NAA35: variants seen among roughly 807,000 people sequenced by gnomAD.
NAA35 encodes MAK10 homolog, amino-acid N-acetyltransferase subunit.
NAA35 carries 18 observed loss-of-function variants against 101.7 expected under a neutral mutation model. That is an observed-to-expected ratio of 0.18 (90% CI 0.12 to 0.26). The LOEUF is 0.26. Ranked by LOEUF, NAA35 falls within the 10% of genes least tolerant of loss-of-function variation. The pLI is 1.00. For missense variants in NAA35, 601 were observed against 886.8 expected (o/e 0.68, Z 4.09); for synonymous variants, 267 against 273.1 (o/e 0.98, Z 0.22).
chr9:85,977,099 C>G (rs924307129), intron 9 of NAA35, among the ~76,000 whole-genome samples: 1 of 152,042 alleles, frequency 6.6e-6, no homozygotes, highest in South Asian at 2.1e-4. Context: ...CAGATAACAT[C>G]AGTTTTTTGA....
chr9:85,977,156 A>G (rs781724815), intron 9 of NAA35, among the ~76,000 whole-genome samples: 1 of 152,162 alleles, frequency 6.6e-6, no homozygotes, highest in Non-Finnish European at 1.5e-5. Context: ...TGCTGTTGAT[A>G]TAGAAACTTC....
At chr9:85,967,394 A>G (rs2117949430) in intron 6 of NAA35, among the ~76,000 whole-genome samples, 1 of 152,342 alleles carries the variant, frequency 6.6e-6, no homozygotes, top group East Asian at 1.9e-4. Flanking sequence ...CTTCTGGGCC[A>G]AAAGATTCTG....
intron 11 of NAA35, among the ~76,000 whole-genome samples, chr9:85,993,636 A>G (rs1015910704): frequency 6.6e-6 from 1 of 152,206 alleles, no homozygotes. Context: ...TGAACTGTAC[A>G]TTTAATGTTT....
At chr9:86,001,450 G>T (rs1456952372) in intron 12 of NAA35, among the ~76,000 whole-genome samples, 1 of 152,044 alleles carries the variant, frequency 6.6e-6, no homozygotes, top group Non-Finnish European at 1.5e-5. Context: ...TTAATTTTTT[G>T]TCTCGATGAT....
At chr9:86,012,779 C>T (rs1186893969) in intron 15 of NAA35, among the ~76,000 whole-genome samples, 1 of 152,090 alleles carries the variant, frequency 6.6e-6, no homozygotes, top group Non-Finnish European at 1.5e-5. Flanking sequence ...TGTGAAATTG[C>T]AAGAAGATAT....
Position 86,020,876 on chromosome 9 carries a change from GTTCATGT to G in NAA35, c.2038-8_2038-2del. The G allele has an allele frequency of 6.3e-7, 1 of 1,596,664 alleles. No homozygotes were observed. Among genetic ancestry groups the G allele is most frequent in the Non-Finnish European group, 8.6e-7 (1 of 1,167,266 alleles). On this transcript the variant is annotated splice_polypyrimidine_tract_variant and splice_region_variant and intron_variant, in intron 21 of 22. Transcript: ENST00000361671. ...GAAGTTAATGTTTCAGTAGTTTTAT[GTTCATGT>G]TTCAGGTTAATAGAATTTTAAAGGT... is the stretch of plus-strand genomic sequence containing the variant.
intron 1 of NAA35, chr9:85,941,856 T>C: frequency 9.2e-7 from 1 of 1,087,044 alleles, no homozygotes; most frequent in Non-Finnish European, 1.1e-6. Context: ...GCTCTGGAGT[T>C]GTTCTTTTCG....
At chr9:85,960,119 A>G (rs981142795) in intron 5 of NAA35, among the ~76,000 whole-genome samples, 3 of 152,174 alleles carry the variant, frequency 2.0e-5, no homozygotes, top group African/African-American at 7.2e-5. Flanking sequence ...GGTTCATAAT[A>G]CCCTTTTCGT....
At chr9:85,980,947 C>T (rs752290413) in intron 11 of NAA35, among the ~76,000 whole-genome samples, 10 of 152,088 alleles carry the variant, frequency 6.6e-5, no homozygotes, top group East Asian at 1.9e-4. Context: ...TTTTACTGAT[C>T]GACACCTCAT....
At chr9:85,948,868 C>T (rs1828881739) in intron 2 of NAA35, among the ~76,000 whole-genome samples, 1 of 152,116 alleles carries the variant, frequency 6.6e-6, no homozygotes, top group Non-Finnish European at 1.5e-5. Context: ...GGCGATTCTC[C>T]TGCCTCAGCC....
chr9:85,967,478 G>A (rs529776310), intron 6 of NAA35, among the ~76,000 whole-genome samples: 1 of 151,952 alleles, frequency 6.6e-6, no homozygotes, highest in Non-Finnish European at 1.5e-5. Flanking sequence ...AAAAAAATAC[G>A]AATCTAGTAA....
At chr9:85,975,975 A>G (rs1347857097) in intron 8 of NAA35, among the ~76,000 whole-genome samples, 2 of 151,962 alleles carry the variant, frequency 1.3e-5, no homozygotes, top group Non-Finnish European at 2.9e-5. Flanking sequence ...TTTTTTTTTT[A>G]ACACTAGTAT....
rs1330903677 is a variant in NAA35 at position 86,024,915 on chromosome 9, G to C, written c.*2955G>C. Among the ~76,000 whole-genome samples the C allele has an allele frequency of 6.6e-6, 1 of 152,146 alleles. No individual in the cohort carries two copies. The highest frequency in any genetic ancestry group is 2.4e-5 in the African/African-American group (1 of 41,426). ...TGCCATTGCTCAGGGAGCTCCTAGAGTAAGGGACTGAGATAGGTCCCAAGG... is the reference window on the plus strand; with the variant it reads ...TGCCATTGCTCAGGGAGCTCCTAGACTAAGGGACTGAGATAGGTCCCAAGG... On this transcript the variant is annotated 3_prime_UTR_variant, in exon 23 of 23. Coordinates refer to ENST00000361671, the MANE Select transcript of NAA35 (RefSeq NM_024635.4).
chr9:86,001,650 G>T (rs1390867466), intron 12 of NAA35, among the ~76,000 whole-genome samples: 4 of 152,042 alleles, frequency 2.6e-5, no homozygotes, highest in Non-Finnish European at 5.9e-5. Context: ...TTTGATCTTT[G>T]TTGGTGTGAA....
intron 20 of NAA35, 64 bp from the exon 21 acceptor site, chr9:86,018,635 G>A: frequency 6.4e-7 from 1 of 1,557,346 alleles, no homozygotes; most frequent in Non-Finnish European, 8.7e-7. Context: ...TTAATAATTA[G>A]AAATGGGATT....
intron 2 of NAA35, among the ~76,000 whole-genome samples, chr9:85,955,255 G>A (rs1161559199): frequency 6.8e-6 from 1 of 147,460 alleles, no homozygotes; most frequent in Admixed American, 6.9e-5. Flanking sequence ...ACTTACAGTT[G>A]GCTAGGGAAG....
chr9:85,942,616 C>G (rs1167766884), intron 2 of NAA35, among the ~76,000 whole-genome samples: 1 of 152,152 alleles, frequency 6.6e-6, no homozygotes, highest in Admixed American at 6.5e-5. Flanking sequence ...ATGATCAGAT[C>G]ACATCATTCC....
At chr9:85,980,931 G>T (rs765594135) in intron 11 of NAA35, among the ~76,000 whole-genome samples, 1 of 152,094 alleles carries the variant, frequency 6.6e-6, no homozygotes, top group Non-Finnish European at 1.5e-5. Context: ...AACCAGAAAG[G>T]CAAGTTTTTA....
At chr9:86,014,496 T>C (rs1587664563) in intron 17 of NAA35, 1 of 262,144 alleles carries the variant, frequency 3.8e-6, no homozygotes, top group East Asian at 1.8e-4. Context: ...AGATTGAGTG[T>C]TAATGAATTC....
Sources: gnomAD v4.1 joint callset for allele counts (sites outside exome capture counted in the v4.1 genomes callset) on GRCh38, gnomAD v4.1.1 for gene constraint, MANE v1.5 for transcripts, NCBI Gene and HGNC (gene_info 2026-07-23, HGNC 2026-07-21) for gene names.